Variants in MLLT10 observed in about 807,000 individuals in gnomAD.
MLLT10 encodes protein AF-10.
Under a neutral mutation model 129.1 loss-of-function variants are expected in MLLT10, and 30 were observed. The ratio of observed to expected loss-of-function variants is 0.23; its 90% CI spans 0.17 to 0.32. The LOEUF is 0.32. Among genes scored for constraint, MLLT10 ranks in the 10% least tolerant of loss-of-function variants. MLLT10 has a pLI of 1.00. For missense variants in MLLT10, 1,119 were observed against 1,268.3 expected (o/e 0.88, Z 1.79); for synonymous variants, 490 against 446.4 (o/e 1.10, Z -1.23).
chr10:21,636,698 C>T (rs1487106857), intron 8 of MLLT10, among the ~76,000 whole-genome samples: 1 of 151,944 alleles, frequency 6.6e-6, no homozygotes, highest in Non-Finnish European at 1.5e-5. Context: ...CCTCAGCTTC[C>T]CAAGTAGCTG....
At position 21,714,796 on chromosome 10, in the gene MLLT10, T is replaced by C. The variant is rs775161920; in HGVS notation, c.1878+846T>C. ...ATCTGCCTGCCTTGGCCTCCCAAAGTGTTAGGATTACAGGCGTGAGCCACC... is the reference window on the plus strand; with the variant it reads ...ATCTGCCTGCCTTGGCCTCCCAAAGCGTTAGGATTACAGGCGTGAGCCACC... On this transcript the variant is annotated intron_variant, in intron 14 of 22. Transcript: ENST00000307729. Among the ~76,000 whole-genome samples, 8 of 152,120 alleles carry C rather than the reference T, an allele frequency of 5.3e-5. No individual in the cohort carries two copies. The East Asian group carries it at 5.8e-4, about 11-fold the overall frequency.
intron 8 of MLLT10, among the ~76,000 whole-genome samples, chr10:21,633,702 A>G (rs953256871): frequency 2.0e-5 from 3 of 152,174 alleles, no homozygotes; most frequent in African/African-American, 7.2e-5. Context: ...AAAAATTATT[A>G]TGGATTCATT....
At chr10:21,723,469 T>C (rs1213606721) in intron 14 of MLLT10, among the ~76,000 whole-genome samples, 1 of 152,222 alleles carries the variant, frequency 6.6e-6, no homozygotes, top group Admixed American at 6.5e-5. Flanking sequence ...TTCCAAGTGA[T>C]ATATTGATAT....
Position 21,727,908 on chromosome 10 carries a change from C to CCGAGGAAGTCTCTCGCCA in MLLT10, c.2046_2063dup (p.Gly683_Arg688dup). 5 of 1,613,912 alleles carry CCGAGGAAGTCTCTCGCCA rather than the reference C, an allele frequency of 3.1e-6. No homozygotes were observed. Among genetic ancestry groups the CCGAGGAAGTCTCTCGCCA allele is most frequent in the South Asian group, 1.1e-5 (1 of 91,046 alleles). ...ACCTAGTTGGCAGAGGAAGCTCACC[C>CCGAGGAAGTCTCTCGCCA]CGAGGAAGTCTCTCGCCACGGTAAG... On this transcript the variant is annotated inframe_insertion, in exon 16 of 23. Transcript: ENST00000307729.
chr10:21,543,309 CAG>C (rs1678511047), intron 3 of MLLT10, among the ~76,000 whole-genome samples: 1 of 151,810 alleles, frequency 6.6e-6, no homozygotes, highest in South Asian at 2.1e-4. Flanking sequence ...TTAGTAGAGA[CAG>C]GGCTTCTCCA....
chr10:21,672,266 C>T (rs1034667214), intron 10 of MLLT10, among the ~76,000 whole-genome samples: 1 of 150,676 alleles, frequency 6.6e-6, no homozygotes, highest in South Asian at 2.1e-4. Context: ...CATGTGATCA[C>T]GGCTCACTGC....
intron 8 of MLLT10, among the ~76,000 whole-genome samples, chr10:21,650,567 A>G (rs1006443295): frequency 1.2e-4 from 18 of 151,902 alleles, no homozygotes; most frequent in African/African-American, 3.4e-4. Context: ...AGAGATACCA[A>G]TCTTTCATGG....
chr10:21,604,308 A>G (rs1028805648), intron 5 of MLLT10, among the ~76,000 whole-genome samples: 6 of 152,172 alleles, frequency 3.9e-5, no homozygotes, highest in African/African-American at 9.7e-5. Context: ...CAAAATTTCT[A>G]TCTCTGCTGG....
chr10:21,716,825 C>T (rs2056597328), intron 14 of MLLT10, among the ~76,000 whole-genome samples: 1 of 152,072 alleles, frequency 6.6e-6, no homozygotes, highest in South Asian at 2.1e-4. Context: ...ATTTTGTGCC[C>T]CCACACCCTT....
chr10:21,710,175 T>C (rs1228409593), intron 13 of MLLT10, among the ~76,000 whole-genome samples: 1 of 152,252 alleles, frequency 6.6e-6, no homozygotes, highest in Non-Finnish European at 1.5e-5. Flanking sequence ...TTGGTTCTCT[T>C]CTCTTGATCA....
chr10:21,561,356 G>C (rs1004883324), intron 3 of MLLT10, among the ~76,000 whole-genome samples: 2 of 152,062 alleles, frequency 1.3e-5, no homozygotes, highest in African/African-American at 4.8e-5. Flanking sequence ...TGCCTCCTGG[G>C]TTCAAGCGAT....
At chr10:21,606,331 TC>T (rs2044065256) in intron 5 of MLLT10, among the ~76,000 whole-genome samples, 1 of 152,202 alleles carries the variant, frequency 6.6e-6, no homozygotes, top group Non-Finnish European at 1.5e-5. Flanking sequence ...GCTAACAACA[TC>T]CATCCTGCAG....
intron 19 of MLLT10, 87 bp downstream of exon 19, chr10:21,733,679 T>C (rs1486281744): frequency 2.0e-6 from 3 of 1,495,114 alleles, no homozygotes; most frequent in South Asian, 2.7e-5. Flanking sequence ...TTAAACAGTT[T>C]TGCAGTGTTC....
intron 11 of MLLT10, among the ~76,000 whole-genome samples, chr10:21,678,510 A>G (rs2052420526): frequency 6.6e-6 from 1 of 152,206 alleles, no homozygotes; most frequent in East Asian, 1.9e-4. Context: ...AAGTAGGCAG[A>G]AGACGAAGGC....
At chr10:21,682,941 T>C (rs796119904) in intron 13 of MLLT10, among the ~76,000 whole-genome samples, 19 of 152,350 alleles carry the variant, frequency 1.2e-4, no homozygotes, top group African/African-American at 3.8e-4. Context: ...TTTGTTGATT[T>C]TCTTTTTCAG....
chr10:21,588,379 C>G (rs568609497), intron 4 of MLLT10, among the ~76,000 whole-genome samples: 6 of 152,056 alleles, frequency 3.9e-5, no homozygotes, highest in African/African-American at 7.2e-5. Context: ...AACAGTTTAT[C>G]TTGTTTCAGT....
intron 3 of MLLT10, among the ~76,000 whole-genome samples, chr10:21,555,936 GGATTACAGCACTTTTTCAAGTGGTGT>G (rs1448743579): frequency 1.3e-5 from 2 of 151,584 alleles, no homozygotes; most frequent in Admixed American, 6.6e-5. Flanking sequence ...AAAAGTGCTG[GGATTACAGCACTTTTTCAAGTGGTGT>G]GAGCCACTGT....
intron 14 of MLLT10, among the ~76,000 whole-genome samples, chr10:21,717,918 T>TCCTCCTCCTCCTCCTCCTCCTC (rs1178913984): frequency 9.9e-6 from 1 of 100,518 alleles, no homozygotes; most frequent in African/African-American, 3.7e-5. Flanking sequence ...TCCTTCTCCT[T>TCCTCCTCCTCCTCCTCCTCCTC]CTCCTTCTTC....
intron 14 of MLLT10, among the ~76,000 whole-genome samples, chr10:21,722,316 A>G (rs1435767954): frequency 6.6e-6 from 1 of 152,204 alleles, no homozygotes; most frequent in African/African-American, 2.4e-5. Context: ...GAAATGTCAT[A>G]TAATAGGTAC....
Sources: gnomAD v4.1 joint callset for allele counts (sites outside exome capture counted in the v4.1 genomes callset) on GRCh38, gnomAD v4.1.1 for gene constraint, MANE v1.5 for transcripts, NCBI Gene and HGNC (gene_info 2026-07-23, HGNC 2026-07-21) for gene names.